The following SCARA3 variants were observed in gnomAD, a reference collection of about 807,000 sequenced individuals.
SCARA3 encodes the protein scavenger receptor class A member 3, also known as cellular stress response gene protein.
In SCARA3, 39 loss-of-function variants were observed where a neutral mutation model predicts 47.0. That is an observed-to-expected ratio of 0.83 (90% CI 0.64 to 1.08). The LOEUF is 1.08. Ranked by LOEUF, SCARA3 falls within the 50% of genes least tolerant of loss-of-function variation. SCARA3 has a pLI of 0.00. For missense variants in SCARA3, 724 were observed against 792.3 expected, an observed-to-expected ratio of 0.91 and a Z score of 1.04; for synonymous variants, 356 against 334.1, an observed-to-expected ratio of 1.07 and a Z score of -0.71.
At chr8:27,664,154 A>G (rs1801968037) in intron 5 of SCARA3, among the ~76,000 whole-genome samples, 1 of 152,178 alleles carries the variant, frequency 6.6e-6, no homozygotes, top group Non-Finnish European at 1.5e-5. Flanking sequence ...GGTAACGGAA[A>G]TCTTCCCACA....
At chr8:27,707,821 C>CAAAAA in the SCARA3 span, among the ~76,000 whole-genome samples, 2 of 142,474 alleles carry the variant, frequency 1.4e-5, no homozygotes, top group African/African-American at 2.6e-5. Flanking sequence ...GAAAAACTTC[C>CAAAAA]AAAAAAAAAA....
chr8:27,720,614 C>T, the SCARA3 span, among the ~76,000 whole-genome samples: 2 of 134,984 alleles, frequency 1.5e-5, no homozygotes, highest in African/African-American at 5.5e-5. Flanking sequence ...AAGGTCCTTT[C>T]TATCTCCATC....
At chr8:27,665,665 C>A (rs1296836640) in intron 5 of SCARA3, among the ~76,000 whole-genome samples, 1 of 152,190 alleles carries the variant, frequency 6.6e-6, no homozygotes, top group African/African-American at 2.4e-5. Context: ...GCCATCACAC[C>A]CAGCCAAGCT....
chr8:27,636,481 T>C (rs1036348604), intron 1 of SCARA3, among the ~76,000 whole-genome samples: 3 of 152,114 alleles, frequency 2.0e-5, no homozygotes, highest in African/African-American at 7.2e-5. Context: ...GCCAAAATCC[T>C]GTGAAATAGA....
chr8:27,699,175 C>T, the SCARA3 span, among the ~76,000 whole-genome samples: 7 of 151,274 alleles, frequency 4.6e-5, no homozygotes, highest in East Asian at 1.4e-3. Flanking sequence ...ACCCAGGAGG[C>T]GGAGCTTGCA....
the SCARA3 span, among the ~76,000 whole-genome samples, chr8:27,683,888 A>G: frequency 6.6e-6 from 1 of 152,188 alleles, no homozygotes; most frequent in African/African-American, 2.4e-5. Flanking sequence ...ATAAAATATA[A>G]GGAATGACAT....
chr8:27,719,236 G>A, the SCARA3 span, among the ~76,000 whole-genome samples: 856 of 152,252 alleles, frequency 5.6e-3, 9 homozygotes, highest in Non-Finnish European at 9.0e-3. Context: ...GCAGGGACAT[G>A]GATGGAGCTG....
intron 2 of SCARA3, 45 bp from the exon 3 acceptor site, chr8:27,651,463 C>T: frequency 1.3e-6 from 2 of 1,599,326 alleles, no homozygotes; most frequent in East Asian, 4.5e-5. Flanking sequence ...CAGCTCCAAC[C>T]TGGGCCCCTG....
At chr8:27,693,664 A>G in the SCARA3 span, among the ~76,000 whole-genome samples, 1 of 152,116 alleles carries the variant, frequency 6.6e-6, no homozygotes, top group Non-Finnish European at 1.5e-5. Flanking sequence ...GCCTCATTAT[A>G]CCCCTCAGCA....
chr8:27,719,376 T>C, the SCARA3 span, among the ~76,000 whole-genome samples: 1 of 152,076 alleles, frequency 6.6e-6, no homozygotes, highest in East Asian at 1.9e-4. Flanking sequence ...CTGGGGACTT[T>C]CAGAGGGTGA....
At chr8:27,668,121 G>T (rs34087538) in intron 5 of SCARA3, among the ~76,000 whole-genome samples, 3 of 152,364 alleles carry the variant, frequency 2.0e-5, no homozygotes, top group Admixed American at 6.5e-5. Context: ...CCAGGAGCAT[G>T]TGGGCGCTTG....
chr8:27,676,738 A>T (rs1802283725), downstream of SCARA3: 2 of 545,018 alleles, frequency 3.7e-6, no homozygotes, highest in South Asian at 4.9e-5. Context: ...CATGAAAATA[A>T]TTTATAAATA....
rs941979740 is a variant in SCARA3, at chr8:27,662,069, C to T, written c.1369+2530C>T. 5.9e-5 allele frequency among the ~76,000 whole-genome samples: 9 copies of T among 152,176 alleles called. No individual in the cohort carries two copies. In the East Asian group the frequency reaches 1.3e-3, roughly 23 times the overall value. On this transcript the variant is annotated intron_variant, in intron 5 of 5. Transcript: ENST00000301904. The stretch of plus-strand genomic sequence containing the variant: ...CTTAACTTCCTGTTCAATGGAATCA[C>T]AGTTGTGTCTCCTGGTAGCAGCATT...
At chr8:27,636,286 C>T (rs1207620936) in intron 1 of SCARA3, among the ~76,000 whole-genome samples, 1 of 152,186 alleles carries the variant, frequency 6.6e-6, no homozygotes, top group African/African-American at 2.4e-5. Context: ...TCCAGACAAG[C>T]ACCAGCAGGG....
downstream of SCARA3, among the ~76,000 whole-genome samples, chr8:27,678,140 T>C (rs928466679): frequency 1.3e-5 from 2 of 152,046 alleles, no homozygotes; most frequent in Non-Finnish European, 2.9e-5. Flanking sequence ...TAAAGTTTAA[T>C]ACAAGAAGGG....
At chr8:27,698,137 T>C in the SCARA3 span, among the ~76,000 whole-genome samples, 1 of 152,236 alleles carries the variant, frequency 6.6e-6, no homozygotes, top group Non-Finnish European at 1.5e-5. Context: ...ACAGAATTCA[T>C]AGCCAGTATA....
intron 2 of SCARA3, among the ~76,000 whole-genome samples, chr8:27,650,663 A>G (rs1024430184): frequency 6.6e-6 from 1 of 152,186 alleles, no homozygotes; most frequent in African/African-American, 2.4e-5. Context: ...AGGAATTCGC[A>G]GCTGGGCCAT....
chr8:27,695,730 C>T, the SCARA3 span, among the ~76,000 whole-genome samples: 4 of 151,678 alleles, frequency 2.6e-5, no homozygotes, highest in African/African-American at 9.7e-5. Context: ...TTGAAAATTA[C>T]AATAAATAAA....
the SCARA3 span, among the ~76,000 whole-genome samples, chr8:27,710,377 C>T: frequency 1.3e-5 from 2 of 152,094 alleles, no homozygotes; most frequent in Admixed American, 6.6e-5. Flanking sequence ...GCCATACATT[C>T]GCATATTATT....
Sources: allele counts gnomAD v4.1 joint callset (sites outside exome capture counted in the v4.1 genomes callset), GRCh38; gene constraint gnomAD v4.1.1; transcripts MANE v1.5; gene names NCBI Gene and HGNC (gene_info 2026-07-23, HGNC 2026-07-21).